The following GJC1 variants were observed in gnomAD, a reference collection of about 807,000 sequenced individuals.
GJC1 encodes gap junction protein gamma 1, also known as gap junction gamma-1 protein.
In GJC1, 5 loss-of-function variants were observed where a neutral mutation model predicts 29.3. The observed-to-expected ratio is 0.17, with a 90% CI of 0.09 to 0.36. GJC1 has a LOEUF of 0.36. Ranked by LOEUF, GJC1 falls within the 10% of genes least tolerant of loss-of-function variation. GJC1 has a pLI of 1.00. For synonymous variants in GJC1, 177 were observed against 183.3 expected, an observed-to-expected ratio of 0.97 and a Z score of 0.28; for missense variants, 310 against 496.2, an observed-to-expected ratio of 0.62 and a Z score of 3.56.
At chr17:44,817,632 C>T (rs898778050) in intron 1 of GJC1, among the ~76,000 whole-genome samples, 1 of 152,012 alleles carries the variant, frequency 6.6e-6, no homozygotes, top group Non-Finnish European at 1.5e-5. Flanking sequence ...ATCGCTTGAA[C>T]TCAGGAGGGG....
Position 44,805,299 on chromosome 17 carries a change from G to A in GJC1, c.519C>T (p.Leu173=), listed in dbSNP as rs758913121. The change falls in exon 3 of 3, where the codon CTC becomes CTT. Residue 173 remains leucine (L), a synonymous_variant. Transcript: ENST00000592524. This position sits in a 1 kb window ranked among gnomAD's most constrained non-coding sequence, Gnocchi z 5.1. ...DGRRRIREDG[L]MKIYVLQLLA... is the part of the protein sequence containing the mutation. ...GCAACTGCAGCACATAGATTTTCAT[G>A]AGCCCATCTTCCCGAATCCGTCGTC... is the stretch of plus-strand genomic sequence containing the variant. The A allele has an allele frequency of 6.2e-6, 10 of 1,614,082 alleles. No homozygotes were observed. The East Asian group carries it at 6.7e-5, about 11-fold the overall frequency.
chr17:44,825,450 C>T (rs540482524), intron 1 of GJC1, among the ~76,000 whole-genome samples: 2 of 152,028 alleles, frequency 1.3e-5, no homozygotes, highest in African/African-American at 4.8e-5. Context: ...TGCGCGACTG[C>T]ACTCCAGCCT....
chr17:44,825,223 G>A (rs2145369997), intron 1 of GJC1, among the ~76,000 whole-genome samples: 1 of 148,562 alleles, frequency 6.7e-6, no homozygotes, highest in Admixed American at 6.7e-5. Flanking sequence ...AAAAAGGCTG[G>A]GCGCAGTGGC....
At chr17:44,794,741 C>G (rs984461550), downstream of GJC1, 1 of 152,272 alleles carries the variant, frequency 6.6e-6, no homozygotes, top group Non-Finnish European at 1.5e-5. Flanking sequence ...CTGCTTGGTT[C>G]TGCCTCGCCT....
intron 1 of GJC1, among the ~76,000 whole-genome samples, chr17:44,818,724 G>A (rs1788029896): frequency 6.6e-6 from 1 of 152,098 alleles, no homozygotes; most frequent in African/African-American, 2.4e-5. Flanking sequence ...CAACCCGGAA[G>A]GCAGAGGTTG....
intron 1 of GJC1, among the ~76,000 whole-genome samples, chr17:44,825,253 A>T (rs923319972): frequency 2.0e-5 from 3 of 148,444 alleles, no homozygotes; most frequent in African/African-American, 7.5e-5. Context: ...TAATCCCAGC[A>T]CTTTGGGAGA....
intron 1 of GJC1, among the ~76,000 whole-genome samples, chr17:44,820,364 AG>A (rs2050093968): frequency 1.3e-5 from 2 of 152,196 alleles, no homozygotes; most frequent in Admixed American, 6.5e-5. Flanking sequence ...TTCAGGAATA[AG>A]TTCTTTCCAT....
intron 1 of GJC1, among the ~76,000 whole-genome samples, chr17:44,819,765 T>C (rs1051594363): frequency 6.6e-6 from 1 of 151,978 alleles, no homozygotes; most frequent in Non-Finnish European, 1.5e-5. Flanking sequence ...ACATACCACG[T>C]TTTTTTTATC....
chr17:44,809,353 TC>T (rs2049947302), intron 1 of GJC1, among the ~76,000 whole-genome samples: 1 of 152,108 alleles, frequency 6.6e-6, no homozygotes, highest in Non-Finnish European at 1.5e-5. Flanking sequence ...TTATAAAACC[TC>T]AAAACAAGAA....
chr17:44,806,136 G>A (rs73984080), intron 2 of GJC1, among the ~76,000 whole-genome samples: 14 of 152,148 alleles, frequency 9.2e-5, no homozygotes, highest in African/African-American at 2.6e-4. Context: ...ACCCGGGCAC[G>A]GTGGTGTGCA....
chr17:44,805,167 C>T lies in GJC1; in HGVS notation c.651G>A (p.Lys217=), dbSNP rs1337313903. ...TGGGTCTAGAAATAAAGCAGTCTAT[C>T]TTATGAGGACAAGGAAGTCTGCTGC... ...YVCSRLPCPH[K]IDCFISRPTE... Residue 217 remains lysine (K), a synonymous_variant, in exon 3 of 3, where the codon AAG becomes AAA. Coordinates refer to ENST00000592524, the MANE Select transcript of GJC1 (RefSeq NM_005497.4). The surrounding 1 kb of genome is among the most constrained non-coding windows in gnomAD (Gnocchi z 5.1). 2 of 1,614,138 alleles carry T rather than the reference C, an allele frequency of 1.2e-6. No individual in the cohort carries two copies. The highest frequency in any genetic ancestry group is 2.2e-5 in the East Asian group (1 of 44,874).
At chr17:44,820,045 A>C (rs2050091223) in intron 1 of GJC1, among the ~76,000 whole-genome samples, 1 of 152,110 alleles carries the variant, frequency 6.6e-6, no homozygotes, top group South Asian at 2.1e-4. Context: ...CTTTTGTTTT[A>C]ATATCCAGAA....
intron 1 of GJC1, among the ~76,000 whole-genome samples, chr17:44,810,311 T>C (rs1309369761): frequency 2.6e-5 from 4 of 152,204 alleles, no homozygotes; most frequent in African/African-American, 9.6e-5. Context: ...GTGTATCTTT[T>C]AAGTAATTAT....
intron 1 of GJC1, among the ~76,000 whole-genome samples, chr17:44,823,252 T>G (rs78509421): frequency 6.8e-5 from 10 of 146,528 alleles, no homozygotes; most frequent in Non-Finnish European, 1.5e-4. Flanking sequence ...TTTCCTGTTT[T>G]TTTTTTTTTT....
At chr17:44,807,687 C>T (rs556585713) in intron 1 of GJC1, 1 of 152,276 alleles carries the variant, frequency 6.6e-6, no homozygotes, top group African/African-American at 2.4e-5. Flanking sequence ...ATTCTTAAGT[C>T]ACCACAGTCT....
chr17:44,819,028 T>C (rs964537929), intron 1 of GJC1, among the ~76,000 whole-genome samples: 5 of 152,224 alleles, frequency 3.3e-5, no homozygotes, highest in Non-Finnish European at 7.3e-5. Flanking sequence ...TGTGTCCTGT[T>C]AAATTATTTT....
intron 1 of GJC1, among the ~76,000 whole-genome samples, chr17:44,816,924 T>A (rs1210889499): frequency 6.6e-6 from 1 of 152,152 alleles, no homozygotes; most frequent in African/African-American, 2.4e-5. Flanking sequence ...AATTTATAAT[T>A]TGCCTGCCAG....
At chr17:44,806,392 CTTCTG>C (rs1441135071) in intron 2 of GJC1, among the ~76,000 whole-genome samples, 1 of 137,416 alleles carries the variant, frequency 7.3e-6, no homozygotes, top group Non-Finnish European at 1.5e-5. Context: ...GACCTTGGTT[CTTCTG>C]TTTGTTTTTT....
chr17:44,806,016 G>A (rs1363743326), intron 2 of GJC1, among the ~76,000 whole-genome samples, 179 bp from the exon 3 acceptor site: 4 of 152,196 alleles, frequency 2.6e-5, no homozygotes, highest in Non-Finnish European at 5.9e-5. Flanking sequence ...GCTCACGCCT[G>A]TAATCCCAGC....
Sources: allele counts gnomAD v4.1 joint callset (sites outside exome capture counted in the v4.1 genomes callset), GRCh38; gene constraint gnomAD v4.1.1; non-coding constraint Gnocchi (gnomAD v3.1); transcripts MANE v1.5; gene names NCBI Gene and HGNC (gene_info 2026-07-23, HGNC 2026-07-21).